The following SRPK2 variants were observed in gnomAD, a reference collection of about 807,000 sequenced individuals.
The protein encoded by SRPK2 is SRSF protein kinase 2, also known as SFRS protein kinase 2.
Under a neutral mutation model 90.8 loss-of-function variants are expected in SRPK2, and 21 were observed. The ratio of observed to expected loss-of-function variants is 0.23; its 90% CI spans 0.16 to 0.33. The LOEUF (loss-of-function observed/expected upper bound fraction) is 0.33, where lower values mean the gene tolerates loss of function less well. Ranked by LOEUF, SRPK2 falls within the 10% of genes least tolerant of loss-of-function variation. The pLI is 1.00. For synonymous variants in SRPK2, 288 were observed against 311.1 expected (o/e 0.93, Z 0.78); for missense variants, 620 against 869.0 (o/e 0.71, Z 3.60).
intron 2 of SRPK2, among the ~76,000 whole-genome samples, chr7:105,222,726 G>T (rs944150463): frequency 6.6e-6 from 1 of 152,082 alleles, no homozygotes; most frequent in Admixed American, 6.5e-5. Flanking sequence ...ACATAATTCA[G>T]AAAGATTTAC....
At chr7:105,301,045 C>A (rs1257409453) in intron 2 of SRPK2, among the ~76,000 whole-genome samples, 1 of 152,134 alleles carries the variant, frequency 6.6e-6, no homozygotes, top group East Asian at 1.9e-4. Context: ...ATAAATCATG[C>A]CACTATAAAG....
At chr7:105,271,748 G>C (rs908737632) in intron 2 of SRPK2, among the ~76,000 whole-genome samples, 4 of 152,162 alleles carry the variant, frequency 2.6e-5, no homozygotes, top group African/African-American at 4.8e-5. Flanking sequence ...CCATGCTCAG[G>C]ACACTTTCTT....
chr7:105,285,782 T>C (rs1808022174), intron 2 of SRPK2, among the ~76,000 whole-genome samples: 1 of 152,194 alleles, frequency 6.6e-6, no homozygotes, highest in Admixed American at 6.5e-5. Flanking sequence ...AAGGTTCCTG[T>C]GGCCTCACCA....
intron 7 of SRPK2, among the ~76,000 whole-genome samples, chr7:105,159,461 A>AAAAAAAAAAAAAC (rs1807144115): frequency 2.7e-5 from 4 of 148,288 alleles, no homozygotes; most frequent in Admixed American, 6.7e-5. Flanking sequence ...AAAAAAAAAA[A>AAAAAAAAAAAAAC]AAAAAAAAAA....
At chr7:105,287,248 G>A (rs1433620238) in intron 2 of SRPK2, among the ~76,000 whole-genome samples, 4 of 113,534 alleles carry the variant, frequency 3.5e-5, no homozygotes, top group East Asian at 2.7e-4. Context: ...GCGACAGAGC[G>A]AGACTCCGTC....
intron 2 of SRPK2, chr7:105,206,374 T>C (rs1254641908): frequency 1.6e-5 from 3 of 184,324 alleles, no homozygotes; most frequent in South Asian, 1.1e-4. Flanking sequence ...TTCATTATAA[T>C]GTCTCTCTCA....
Position 105,132,810 on chromosome 7 carries a change from A to G in SRPK2, c.1733T>C (p.Ile578Thr). The G allele has an allele frequency of 6.2e-7, 1 of 1,609,582 alleles. No homozygotes were observed. Among genetic ancestry groups the G allele is most frequent in the Non-Finnish European group, 8.5e-7 (1 of 1,177,646 alleles). The stretch of plus-strand genomic sequence containing the variant: ...CCTTACCATACACGCCGTGCTCCAG[A>G]TGTCCGCAGGGGTGCTGTACCCCGC... ...IGAGYSTPADIWSTACMAFEL... is the reference protein window; with the variant it reads ...IGAGYSTPADTWSTACMAFEL... Residue 578 changes from isoleucine (I) to threonine (T), a missense_variant, in exon 13 of 16, where the codon ATC becomes ACC. Around this residue, in one of 8 missense-constraint regions of SRPK2, gnomAD observed 9 missense variants for 16.6 expected, o/e 0.54. Coordinates refer to ENST00000393651, the MANE Select transcript of SRPK2 (RefSeq NM_182692.3).
At chr7:105,382,270 C>T (rs1821033212) in intron 2 of SRPK2, among the ~76,000 whole-genome samples, 1 of 148,582 alleles carries the variant, frequency 6.7e-6, no homozygotes, top group Admixed American at 6.7e-5. Context: ...AAGGAAAGCA[C>T]AGCCAGGCAC....
At chr7:105,318,615 A>G (rs1812571028) in intron 2 of SRPK2, among the ~76,000 whole-genome samples, 1 of 152,216 alleles carries the variant, frequency 6.6e-6, no homozygotes, top group Admixed American at 6.5e-5. Context: ...CAGAAATGTC[A>G]CTCAGTACTC....
At chr7:105,183,974 ATTTTTTTTT>A (rs57622134) in intron 3 of SRPK2, among the ~76,000 whole-genome samples, 18 of 116,278 alleles carry the variant, frequency 1.5e-4, no homozygotes, top group Admixed American at 5.2e-4. Context: ...ACTATTACCA[ATTTTTTTTT>A]TTTTTTTTTT....
chr7:105,226,398 C>T (rs1176484836), intron 2 of SRPK2, among the ~76,000 whole-genome samples: 1 of 152,162 alleles, frequency 6.6e-6, no homozygotes, highest in Non-Finnish European at 1.5e-5. Context: ...CAAGTGAATT[C>T]TCCTGCCTCA....
At chr7:105,240,606 T>A (rs1037599526) in intron 2 of SRPK2, among the ~76,000 whole-genome samples, 1 of 151,480 alleles carries the variant, frequency 6.6e-6, no homozygotes, top group African/African-American at 2.4e-5. Context: ...AAAAAAAAAA[T>A]GTTTTTTTAA....
intron 2 of SRPK2, among the ~76,000 whole-genome samples, chr7:105,235,474 G>T (rs1337781259): frequency 6.6e-6 from 1 of 151,998 alleles, no homozygotes; most frequent in African/African-American, 2.4e-5. Flanking sequence ...GTGTGTGTGT[G>T]TGTGTGTGCA....
Position 105,244,730 on chromosome 7 carries a change from A to AGCC in SRPK2, c.72-40948_72-40946dup, listed in dbSNP as rs1398482122. ...CAAGAACGTGAGCGAGCCCAGGCAC[A>AGCC]GCCGCCGCCGCGGGCGTCTGACCAA... On this transcript the variant is annotated intron_variant, in intron 2 of 15. Coordinates refer to ENST00000393651, the MANE Select transcript of SRPK2 (RefSeq NM_182692.3). 3 of 1,156,704 alleles carry AGCC rather than the reference A, an allele frequency of 2.6e-6. No individual in the cohort carries two copies. The Admixed American group carries it at 5.4e-5, about 21-fold the overall frequency. The allele number at this position is 1,156,704 out of a possible 1,614,324, so 71.7% of individuals were successfully genotyped here. A position where few individuals can be genotyped will look rare whatever the true frequency, so the allele number is the denominator to read the frequency against.
intron 2 of SRPK2, among the ~76,000 whole-genome samples, chr7:105,331,279 A>T (rs1163912027): frequency 8.0e-6 from 1 of 125,336 alleles, no homozygotes; most frequent in East Asian, 2.6e-4. Context: ...ATTGCACTCC[A>T]GCCTGGGCGA....
chr7:105,215,756 C>A (rs1460001306), intron 2 of SRPK2, among the ~76,000 whole-genome samples: 1 of 152,044 alleles, frequency 6.6e-6, no homozygotes, highest in Non-Finnish European at 1.5e-5. Context: ...ATGTATGATT[C>A]AATTTGTATA....
intron 2 of SRPK2, among the ~76,000 whole-genome samples, chr7:105,337,388 C>A (rs1426648566): frequency 6.6e-6 from 1 of 151,436 alleles, no homozygotes; most frequent in African/African-American, 2.4e-5. Flanking sequence ...AATCTTAGCT[C>A]ACTGCAAACT....
At chr7:105,279,775 A>G (rs1422582753) in intron 2 of SRPK2, among the ~76,000 whole-genome samples, 1 of 152,220 alleles carries the variant, frequency 6.6e-6, no homozygotes. Context: ...AGTATCATTA[A>G]TAGTTAATCC....
At chr7:105,387,374 A>AT (rs1317670161) in intron 2 of SRPK2, among the ~76,000 whole-genome samples, 1 of 152,138 alleles carries the variant, frequency 6.6e-6, no homozygotes, top group African/African-American at 2.4e-5. Flanking sequence ...GCTAGCACTA[A>AT]TTTTTTTAAA....
Sources: allele counts gnomAD v4.1 joint callset (sites outside exome capture counted in the v4.1 genomes callset), GRCh38; gene constraint gnomAD v4.1.1; regional missense constraint gnomAD v4.1.1; transcripts MANE v1.5; gene names NCBI Gene and HGNC (gene_info 2026-07-23, HGNC 2026-07-21).